The following ACOT7 variants were observed in gnomAD, a reference collection of about 807,000 sequenced individuals.
ACOT7 encodes the protein acyl-CoA thioesterase 7, also known as cytosolic acyl coenzyme A thioester hydrolase.
In ACOT7, 12 loss-of-function variants were observed where a neutral mutation model predicts 40.2. The observed-to-expected ratio is 0.30, with a 90% confidence interval of 0.19 to 0.48. The LOEUF (loss-of-function observed/expected upper bound fraction) is 0.48, where lower values mean the gene tolerates loss of function less well. ACOT7 is among the 20% of genes least tolerant of loss of function. The pLI is 0.99. For missense variants in ACOT7, 395 were observed against 530.8 expected, an observed-to-expected ratio of 0.74 and a Z score of 2.51; for synonymous variants, 228 against 219.5, an observed-to-expected ratio of 1.04 and a Z score of -0.34.
At chr1:6,265,434 A>G (rs948654304) in intron 8 of ACOT7, among the ~76,000 whole-genome samples, 6 of 152,174 alleles carry the variant, frequency 3.9e-5, no homozygotes, top group African/African-American at 1.4e-4. Flanking sequence ...GAGCCCTGTC[A>G]CCACGCTCTG....
chr1:6,358,340 A>G lies in ACOT7; in HGVS notation c.144-8474T>C, dbSNP rs530562823. On this transcript the variant is annotated intron_variant, in intron 1 of 8. Coordinates refer to ENST00000361521, the MANE Select transcript of ACOT7 (RefSeq NM_007274.4). The surrounding 1 kb of genome is among the most constrained non-coding windows in gnomAD (Gnocchi z 4.1). ...AGCAGGACGGGGGAAGAGGCCAACAATGGCCCTGAGCTCCCAGCCTCCATT... is the reference window on the plus strand; with the variant it reads ...AGCAGGACGGGGGAAGAGGCCAACAGTGGCCCTGAGCTCCCAGCCTCCATT... Among the ~76,000 whole-genome samples, 13 of 152,220 alleles carry G rather than the reference A, an allele frequency of 8.5e-5. No homozygotes were observed. In the South Asian group the frequency reaches 2.5e-3, roughly 29 times the overall value.
intron 6 of ACOT7, among the ~76,000 whole-genome samples, chr1:6,317,445 G>A (rs1256852914): frequency 6.6e-6 from 1 of 152,244 alleles, no homozygotes; most frequent in Non-Finnish European, 1.5e-5. Flanking sequence ...GGGAAGCCAA[G>A]CTACGAACTT....
chr1:6,303,424 GTGTT>G (rs1175203275), intron 6 of ACOT7, among the ~76,000 whole-genome samples: 1 of 151,946 alleles, frequency 6.6e-6, no homozygotes, highest in East Asian at 1.9e-4. Context: ...TTTTTGTTTT[GTGTT>G]TTTTTGTTTT....
intron 3 of ACOT7, among the ~76,000 whole-genome samples, chr1:6,335,327 CAAAAAAAAAAA>C (rs58439931): frequency 3.4e-5 from 2 of 58,348 alleles, no homozygotes; most frequent in Non-Finnish European, 6.8e-5. Context: ...AACTCTGCCT[CAAAAAAAAAAA>C]AAAAAAAAAA....
chr1:6,352,579 T>C lies in ACOT7; in HGVS notation c.144-2713A>G, dbSNP rs1295000596. 6.6e-6 allele frequency among the ~76,000 whole-genome samples: 1 copy of C among 151,476 alleles called. No homozygotes were observed. The highest frequency in any genetic ancestry group is 1.5e-5 in the Non-Finnish European group (1 of 67,960). On this transcript the variant is annotated intron_variant, in intron 1 of 8. Coordinates refer to ENST00000361521, the MANE Select transcript of ACOT7 (RefSeq NM_007274.4). The surrounding 1 kb of genome is among the most constrained non-coding windows in gnomAD (Gnocchi z 4.5). ...GAAGCTGCTGCGTCTCACTGGAGAC[T>C]TCGTTTTCCCATTTCTTTTTTTTTT...
At chr1:6,365,684 C>T (rs1028703324) in intron 1 of ACOT7, among the ~76,000 whole-genome samples, 7 of 150,614 alleles carry the variant, frequency 4.6e-5, no homozygotes, top group Admixed American at 3.3e-4. Flanking sequence ...AGAAGAATGG[C>T]GTAAACCCGG....
rs1033114385 is a variant in ACOT7, at chr1:6,311,895, C to T, written c.712+6597G>A. ...TACAGCTCCTGGACACCCCTCACCC[C>T]GACTCCCAGGGTCTGGGTCACCTGT... On this transcript the variant is annotated intron_variant, in intron 6 of 8. Coordinates refer to ENST00000361521, the MANE Select transcript of ACOT7 (RefSeq NM_007274.4). This position sits in a 1 kb window ranked among gnomAD's most constrained non-coding sequence, Gnocchi z 5.2. 2.6e-5 allele frequency among the ~76,000 whole-genome samples: 4 copies of T among 152,154 alleles called. No individual in the cohort carries two copies. Among genetic ancestry groups the T allele is most frequent in the Non-Finnish European group, 1.5e-5 (1 of 68,034 alleles).
intron 6 of ACOT7, among the ~76,000 whole-genome samples, chr1:6,297,045 A>G (rs1571281183): frequency 6.7e-6 from 1 of 148,354 alleles, no homozygotes; most frequent in Non-Finnish European, 1.5e-5. Flanking sequence ...ACACAGAATG[A>G]TTTTTTTTTT....
chr1:6,359,528 C>T lies in ACOT7; in HGVS notation c.144-9662G>A, dbSNP rs1330096564. 6.6e-6 allele frequency among the ~76,000 whole-genome samples: 1 copy of T among 152,064 alleles called. No individual in the cohort carries two copies. The highest frequency in any genetic ancestry group is 2.4e-5 in the African/African-American group (1 of 41,412). ...CCTGTCTTGGGGCTCAGCAACTCCA[C>T]TACCCTTCCTCCACTCCCGCGGGCT... On this transcript the variant is annotated intron_variant, in intron 1 of 8. Coordinates refer to ENST00000361521, the MANE Select transcript of ACOT7 (RefSeq NM_007274.4). The surrounding 1 kb of genome is among the most constrained non-coding windows in gnomAD (Gnocchi z 4.1).
intron 1 of ACOT7, among the ~76,000 whole-genome samples, chr1:6,377,273 C>T (rs1228363355): frequency 2.0e-5 from 3 of 151,970 alleles, no homozygotes; most frequent in Admixed American, 1.3e-4. Flanking sequence ...TGGTAGCTCA[C>T]GCTTATAATC....
Position 6,289,282 on chromosome 1 carries a change from TAG to T in ACOT7, c.829+5580_829+5581del, listed in dbSNP as rs1639600431. Among the ~76,000 whole-genome samples the T allele has an allele frequency of 6.6e-6, 1 of 152,136 alleles. No individual in the cohort carries two copies. Among genetic ancestry groups the T allele is most frequent in the African/African-American group, 2.4e-5 (1 of 41,418 alleles). On this transcript the variant is annotated intron_variant, in intron 7 of 8. Coordinates refer to ENST00000361521, the MANE Select transcript of ACOT7 (RefSeq NM_007274.4). The surrounding 1 kb of genome is among the most constrained non-coding windows in gnomAD (Gnocchi z 4.6). The stretch of plus-strand genomic sequence containing the variant: ...GCCCGGCTAATTTTTGTATTTTTAG[TAG>T]AGACGGGGTTTCACCATGTTGGCCA...
rs534735473 is a variant in ACOT7, at chr1:6,282,482, G to A, written c.830-1196C>T. ...TCAAGGATATCCCTGCCCGACTCTG[G>A]CTGCTGGGACTTGCTCCCCAGGAAA... is the stretch of plus-strand genomic sequence containing the variant. On this transcript the variant is annotated intron_variant, in intron 7 of 8. Transcript: ENST00000361521. This position sits in a 1 kb window ranked among gnomAD's most constrained non-coding sequence, Gnocchi z 4.5. Among the ~76,000 whole-genome samples the A allele has an allele frequency of 6.6e-6, 1 of 152,236 alleles. No individual in the cohort carries two copies. The highest frequency in any genetic ancestry group is 2.4e-5 in the African/African-American group (1 of 41,544).
intron 1 of ACOT7, among the ~76,000 whole-genome samples, chr1:6,383,080 T>C (rs1308277965): frequency 1.3e-5 from 2 of 151,784 alleles, no homozygotes; most frequent in African/African-American, 2.4e-5. Context: ...GGTTTCACCA[T>C]GTTGGCCAGG....
At chr1:6,297,572 G>GA (rs1429136012) in intron 6 of ACOT7, among the ~76,000 whole-genome samples, 1 of 152,134 alleles carries the variant, frequency 6.6e-6, no homozygotes, top group Non-Finnish European at 1.5e-5. Context: ...CATTCTTCAA[G>GA]AAACACATCC....
intron 5 of ACOT7, among the ~76,000 whole-genome samples, chr1:6,322,152 A>C (rs1640663758): frequency 7.5e-6 from 1 of 133,738 alleles, no homozygotes; most frequent in South Asian, 2.3e-4. Context: ...TGGCACTTGG[A>C]GGGGTCTGTT....
chr1:6,382,520 C>T (rs949435498), intron 1 of ACOT7, among the ~76,000 whole-genome samples: 1 of 151,724 alleles, frequency 6.6e-6, no homozygotes, highest in Non-Finnish European at 1.5e-5. Flanking sequence ...GCTACAAATA[C>T]GTATATGGTA....
In ACOT7 at chr1:6,294,247, G is replaced by C. The variant is rs2148394982; in HGVS notation, c.829+617C>G. Among the ~76,000 whole-genome samples, 1 of 152,368 alleles carries C rather than the reference G, an allele frequency of 6.6e-6. No individual in the cohort carries two copies. Among genetic ancestry groups the C allele is most frequent in the African/African-American group, 2.4e-5 (1 of 41,590 alleles). ...GCACTTCACTGTACTTCTGCAGAGAGCAGTCACATAAGACAAGCATGGTGA... is the reference window on the plus strand; with the variant it reads ...GCACTTCACTGTACTTCTGCAGAGACCAGTCACATAAGACAAGCATGGTGA... On this transcript the variant is annotated intron_variant, in intron 7 of 8. Transcript: ENST00000361521. This position sits in a 1 kb window ranked among gnomAD's most constrained non-coding sequence, Gnocchi z 4.6.
intron 6 of ACOT7, 85 bp downstream of exon 6, chr1:6,318,407 G>A: frequency 7.0e-7 from 1 of 1,420,440 alleles, no homozygotes; most frequent in South Asian, 1.2e-5. Context: ...AGAGCCTCAA[G>A]TGTGTCAGAC....
chr1:6,322,319 C>G (rs1383218115), intron 5 of ACOT7, among the ~76,000 whole-genome samples: 1 of 152,234 alleles, frequency 6.6e-6, no homozygotes, highest in Non-Finnish European at 1.5e-5. Context: ...GACTCCATGA[C>G]ATGCTACTTC....
Sources: gnomAD v4.1 joint callset for allele counts (sites outside exome capture counted in the v4.1 genomes callset) on GRCh38, gnomAD v4.1.1 for gene constraint, Gnocchi (gnomAD v3.1) non-coding constraint, MANE v1.5 for transcripts, NCBI Gene and HGNC (gene_info 2026-07-23, HGNC 2026-07-21) for gene names.